Variants in ZCCHC17 observed in about 807,000 individuals in gnomAD.
ZCCHC17 encodes the protein zinc finger CCHC domain-containing protein 17.
A neutral mutation model predicts 30.6 loss-of-function variants in ZCCHC17; 18 were observed. The observed-to-expected ratio is 0.59, with a 90% confidence interval of 0.41 to 0.87. The LOEUF (loss-of-function observed/expected upper bound fraction) is 0.87, where lower values mean the gene tolerates loss of function less well. Ranked by LOEUF, ZCCHC17 falls within the 40% of genes least tolerant of loss-of-function variation. ZCCHC17 has a pLI of 0.00. For synonymous variants in ZCCHC17, 88 were observed against 92.4 expected, an observed-to-expected ratio of 0.95 and a Z score of 0.27; for missense variants, 263 against 284.2, an observed-to-expected ratio of 0.93 and a Z score of 0.54.
At chr1:31,314,094 A>G (rs1042352218) in intron 2 of ZCCHC17, among the ~76,000 whole-genome samples, 3 of 152,074 alleles carry the variant, frequency 2.0e-5, no homozygotes, top group African/African-American at 7.2e-5. Context: ...CAAACTCCTG[A>G]CCTCAGGTGA....
At chr1:31,317,024 CTTTTTT>C (rs1196920105) in intron 2 of ZCCHC17, among the ~76,000 whole-genome samples, 1 of 126,544 alleles carries the variant, frequency 7.9e-6, no homozygotes, top group Non-Finnish European at 1.7e-5. Context: ...AACTTTTTTT[CTTTTTT>C]TTTTTTTTTT....
intron 5 of ZCCHC17, among the ~76,000 whole-genome samples, chr1:31,345,766 AAG>A (rs929143927): frequency 2.0e-5 from 3 of 150,434 alleles, no homozygotes; most frequent in Admixed American, 6.7e-5. Context: ...GCAGGAGAGA[AAG>A]AGAGAGAGAG....
intron 2 of ZCCHC17, chr1:31,318,057 A>G: frequency 1.2e-6 from 1 of 816,726 alleles, no homozygotes; most frequent in Non-Finnish European, 1.8e-6. Context: ...ACAGTGACAT[A>G]AGGATTATGC....
intron 1 of ZCCHC17, among the ~76,000 whole-genome samples, chr1:31,306,927 T>G (rs1646475114): frequency 6.6e-6 from 1 of 152,126 alleles, no homozygotes; most frequent in Non-Finnish European, 1.5e-5. Context: ...AGTCTCCGCC[T>G]CCCGGGTTCA....
intron 2 of ZCCHC17, chr1:31,318,185 A>G: frequency 6.5e-7 from 1 of 1,535,426 alleles, no homozygotes; most frequent in African/African-American, 1.4e-5. Context: ...AAGCTGAAAC[A>G]GTGCTCAAGA....
intron 7 of ZCCHC17, among the ~76,000 whole-genome samples, chr1:31,357,987 C>A (rs1045772235): frequency 6.6e-6 from 1 of 151,956 alleles, no homozygotes; most frequent in Non-Finnish European, 1.5e-5. Context: ...CTCCCGACCT[C>A]GGGTGATCCA....
intron 3 of ZCCHC17, among the ~76,000 whole-genome samples, chr1:31,336,940 C>G (rs1334526079): frequency 1.4e-5 from 2 of 142,822 alleles, no homozygotes; most frequent in African/African-American, 5.2e-5. Flanking sequence ...TTCCAAAGTT[C>G]TGGGATTACA....
intron 7 of ZCCHC17, among the ~76,000 whole-genome samples, chr1:31,349,205 AT>A (rs1488461604): frequency 6.6e-6 from 1 of 151,850 alleles, no homozygotes; most frequent in East Asian, 1.9e-4. Context: ...CTAAAAAGAA[AT>A]TTTTTTTGTT....
intron 7 of ZCCHC17, among the ~76,000 whole-genome samples, chr1:31,357,026 C>T (rs3795432): frequency 0.24 from 36,351 of 152,014 alleles, 5,075 homozygotes; most frequent in African/African-American, 0.38. Flanking sequence ...CTTTCTGAAT[C>T]GGTGTTATGT....
chr1:31,327,555 G>A (rs1638405340), intron 3 of ZCCHC17, among the ~76,000 whole-genome samples: 1 of 152,180 alleles, frequency 6.6e-6, no homozygotes. Context: ...ATGAAATCTT[G>A]TGCTGTCTTG....
Position 31,318,712 on chromosome 1 carries a change from C to T in ZCCHC17, c.67-397C>T, listed in dbSNP as rs541407749. On this transcript the variant is annotated intron_variant, in intron 2 of 7. Transcript: ENST00000344147. ...TTCTCTGTATTGGGTTTGGAGGCCT[C>T]AGTCCTAGCTAATATAAAATATAAC... Among the ~76,000 whole-genome samples the T allele has an allele frequency of 3.9e-5, 6 of 152,274 alleles. No homozygotes were observed. The East Asian group carries it at 1.2e-3, about 29-fold the overall frequency.
In ZCCHC17 at chr1:31,346,687, AG is replaced by A; in HGVS notation, c.366del (p.Ile123SerfsTer7). 3.1e-6 allele frequency: 5 copies of A among 1,614,106 alleles called. No homozygotes were observed. The highest frequency in any genetic ancestry group is 4.2e-6 in the Non-Finnish European group (5 of 1,180,004). ...TCCTTCCAGGATTACACTGGGCAGAAGATCACCCTTGAGGCTGTCTTGAACA... is the reference window on the plus strand; with the variant it reads ...TCCTTCCAGGATTACACTGGGCAGAAATCACCCTTGAGGCTGTCTTGAACA... ...RRSFQDYTGQ[K>X]ITLEAVLNTT... is the part of the protein sequence containing the mutation. On this transcript the variant is annotated frameshift_variant, in exon 6 of 8. Transcript: ENST00000344147. LOFTEE classifies it high-confidence loss of function.
At chr1:31,345,988 G>A (rs1339714421) in intron 5 of ZCCHC17, among the ~76,000 whole-genome samples, 1 of 152,076 alleles carries the variant, frequency 6.6e-6, no homozygotes, top group Admixed American at 6.6e-5. Flanking sequence ...TTGGTAAGAA[G>A]TCTAAAAATG....
intron 3 of ZCCHC17, among the ~76,000 whole-genome samples, chr1:31,327,111 T>C (rs1638385843): frequency 6.6e-6 from 1 of 152,258 alleles, no homozygotes; most frequent in Non-Finnish European, 1.5e-5. Flanking sequence ...CTTTCTGTGA[T>C]GATGAAAATA....
chr1:31,334,214 T>C (rs1638708230), intron 3 of ZCCHC17, among the ~76,000 whole-genome samples: 1 of 151,930 alleles, frequency 6.6e-6, no homozygotes, highest in Non-Finnish European at 1.5e-5. Flanking sequence ...GTAGTGATGA[T>C]GGATAGAGAA....
At chr1:31,351,729 G>A (rs1229828719) in intron 7 of ZCCHC17, among the ~76,000 whole-genome samples, 1 of 152,076 alleles carries the variant, frequency 6.6e-6, no homozygotes, top group African/African-American at 2.4e-5. Flanking sequence ...GCAACAGAGC[G>A]AGACCCTGCC....
chr1:31,363,070 G>A (rs1046338407), intron 7 of ZCCHC17, among the ~76,000 whole-genome samples: 5 of 151,856 alleles, frequency 3.3e-5, no homozygotes, highest in East Asian at 1.9e-4. Flanking sequence ...TATGTTATAC[G>A]CACTGGAACC....
At chr1:31,361,550 A>G (rs775081020) in intron 7 of ZCCHC17, among the ~76,000 whole-genome samples, 24 of 152,354 alleles carry the variant, frequency 1.6e-4, no homozygotes, top group Non-Finnish European at 2.6e-4. Context: ...ACTTAATTCT[A>G]TCTTATTCCA....
chr1:31,329,717 G>T (rs1310399877), intron 3 of ZCCHC17, among the ~76,000 whole-genome samples: 1 of 152,154 alleles, frequency 6.6e-6, no homozygotes, highest in South Asian at 2.1e-4. Flanking sequence ...GGTATAGTGG[G>T]TGGGTGTTCA....
Sources: gnomAD v4.1 joint callset for allele counts (sites outside exome capture counted in the v4.1 genomes callset) on GRCh38, gnomAD v4.1.1 for gene constraint, MANE v1.5 for transcripts, NCBI Gene and HGNC (gene_info 2026-07-23, HGNC 2026-07-21) for gene names.